DLEC1: variants seen among roughly 807,000 people sequenced by gnomAD.
DLEC1 encodes the protein deleted in lung and esophageal cancer protein 1.
DLEC1 carries 146 observed loss-of-function variants against 198.1 expected under a neutral mutation model. The observed-to-expected ratio is 0.74, with a 90% confidence interval of 0.64 to 0.85. DLEC1 has a LOEUF of 0.85. Ranked by LOEUF, DLEC1 falls within the 40% of genes least tolerant of loss-of-function variation. DLEC1 has a pLI of 0.00. For missense variants in DLEC1, 2,233 were observed against 2,220.0 expected (o/e 1.01, Z -0.12); for synonymous variants, 897 against 866.8 (o/e 1.03, Z -0.61).
In DLEC1 at chr3:38,121,797, C is replaced by T. The variant is rs1421687990; in HGVS notation, c.5020+16C>T. The T allele has an allele frequency of 6.2e-7, 1 of 1,612,218 alleles. No homozygotes were observed. Among genetic ancestry groups the T allele is most frequent in the Non-Finnish European group, 8.5e-7 (1 of 1,178,812 alleles). On this transcript the variant is annotated intron_variant, in intron 35 of 36. Transcript: ENST00000308059. ...ATGCTGATGGGTATGTCCTACCCTG[C>T]CACCTACCCACCGTTCCCCTACAGG...
intron 5 of DLEC1, 104 bp downstream of exon 5, chr3:38,062,905 G>A (rs999825812): frequency 5.7e-6 from 7 of 1,218,596 alleles, no homozygotes; most frequent in Non-Finnish European, 7.9e-6. Context: ...GACTTGTGGG[G>A]CAGGGTAGCA....
At chr3:38,121,991 G>A in intron 35 of DLEC1, 80 bp from the exon 36 acceptor site, 1 of 1,581,172 alleles carries the variant, frequency 6.3e-7, no homozygotes. Context: ...AGAGGTACAG[G>A]CCCGGGGGTG....
Position 38,123,330 on chromosome 3 carries a change from A to G in DLEC1, c.*918A>G. 1.7e-6 allele frequency: 1 copy of G among 577,908 alleles called. No homozygotes were observed. Among genetic ancestry groups the G allele is most frequent in the South Asian group, 2.1e-5 (1 of 48,464 alleles). The allele number at this position is 577,908 out of a possible 1,614,324, so 35.8% of individuals were successfully genotyped here. On this transcript the variant is annotated 3_prime_UTR_variant, in exon 37 of 37. Transcript: ENST00000308059. ...AGTATCCCTTTCAAGGCTGGCCCTT[A>G]AGGAAAACAGGGATCATGCCCCTAC...
At chr3:38,101,890 C>G (rs1699326897) in intron 19 of DLEC1, among the ~76,000 whole-genome samples, 1 of 152,174 alleles carries the variant, frequency 6.6e-6, no homozygotes, top group Non-Finnish European at 1.5e-5. Context: ...GTGCTTATTT[C>G]CTTTCCTTTT....
intron 12 of DLEC1, among the ~76,000 whole-genome samples, chr3:38,094,456 C>T (rs546744866): frequency 3.3e-5 from 5 of 152,292 alleles, no homozygotes; most frequent in African/African-American, 1.2e-4. Flanking sequence ...GAGCCCATAA[C>T]AGGAAAGGCA....
At chr3:38,040,294 C>CT (rs1458607265) in intron 1 of DLEC1, among the ~76,000 whole-genome samples, 6 of 152,318 alleles carry the variant, frequency 3.9e-5, no homozygotes, top group Non-Finnish European at 7.3e-5. Context: ...ACGTCGTTAG[C>CT]TTCAGTCATT....
chr3:38,083,175 T>A (rs1278771500), intron 6 of DLEC1, among the ~76,000 whole-genome samples: 1 of 151,602 alleles, frequency 6.6e-6, no homozygotes, highest in Non-Finnish European at 1.5e-5. Context: ...TCGTAGGTGG[T>A]TTCATGTGCG....
intron 27 of DLEC1, among the ~76,000 whole-genome samples, chr3:38,116,031 C>T (rs770051194): frequency 1.1e-4 from 17 of 152,108 alleles, no homozygotes; most frequent in Non-Finnish European, 1.8e-4. Flanking sequence ...GTGGACATGG[C>T]GGCCCCCAAA....
chr3:38,099,658 C>G (rs1203620670), intron 18 of DLEC1, among the ~76,000 whole-genome samples: 1 of 151,896 alleles, frequency 6.6e-6, no homozygotes, highest in Non-Finnish European at 1.5e-5. Flanking sequence ...TCAGTCAGGG[C>G]AGGAAGAATG....
At chr3:38,051,356 C>A (rs1701109666) in intron 2 of DLEC1, among the ~76,000 whole-genome samples, 1 of 152,254 alleles carries the variant, frequency 6.6e-6, no homozygotes, top group Non-Finnish European at 1.5e-5. Flanking sequence ...CGGTCCCCAC[C>A]CAACCCCACC....
At chr3:38,115,113 AG>A in intron 27 of DLEC1, 60 bp downstream of exon 27, 1 of 1,590,616 alleles carries the variant, frequency 6.3e-7, no homozygotes, top group Non-Finnish European at 8.6e-7. Context: ...GTGGTGAGCC[AG>A]GCTGGGAGGG....
chr3:38,063,392 G>A (rs1414271210), intron 5 of DLEC1, among the ~76,000 whole-genome samples: 2 of 152,166 alleles, frequency 1.3e-5, no homozygotes, highest in African/African-American at 4.8e-5. Context: ...GAGCACAGGG[G>A]TGTCGAGGCT....
chr3:38,104,934 T>C (rs1699492290), intron 19 of DLEC1, among the ~76,000 whole-genome samples: 1 of 152,154 alleles, frequency 6.6e-6, no homozygotes, highest in African/African-American at 2.4e-5. Context: ...GAAAATTGTA[T>C]TTACAAATAT....
rs754945390 is a variant in DLEC1, at chr3:38,114,190, C to T, written c.3667-152C>T. On this transcript the variant is annotated intron_variant, in intron 25 of 36. Coordinates refer to ENST00000308059, the MANE Select transcript of DLEC1 (RefSeq NM_007335.4). ...TGGCTGGGAGGGAGAGTGGAGATGG[C>T]GGGAAGTGGGAGAGAAGACAGAGTG... 186 of 556,378 alleles carry T rather than the reference C, an allele frequency of 3.3e-4. 1 individual carries two copies. Among genetic ancestry groups the T allele is most frequent in the Admixed American group, 5.6e-4 (18 of 32,316 alleles). 34.5% of individuals were successfully genotyped at this position (556,378 alleles called of 1,614,324 possible). A position where few individuals can be genotyped will look rare whatever the true frequency, so the allele number is the denominator to read the frequency against.
At position 38,048,281 on chromosome 3, in the gene DLEC1, C is replaced by A. The variant is rs111324952; in HGVS notation, c.562+2588C>A. ...TCCTTTTATTCCCTCCACCACTCCC[C>A]ACAAAGACCTTGACCTGTTCTCCTG... On this transcript the variant is annotated intron_variant, in intron 2 of 36. Coordinates refer to ENST00000308059, the MANE Select transcript of DLEC1 (RefSeq NM_007335.4). 7.6e-3 allele frequency among the ~76,000 whole-genome samples: 1,154 copies of A among 152,310 alleles called. 16 individuals carry two copies. The highest frequency in any genetic ancestry group is 0.026 in the African/African-American group (1,067 of 41,560).
chr3:38,080,724 G>T (rs780312411), intron 6 of DLEC1, among the ~76,000 whole-genome samples: 41 of 151,912 alleles, frequency 2.7e-4, no homozygotes, highest in Non-Finnish European at 5.1e-4. Context: ...AATGGAGGGT[G>T]GAAGGTTGCC....
Position 38,105,278 on chromosome 3 carries a change from C to A in DLEC1, c.2865-2306C>A, listed in dbSNP as rs890381455. Among the ~76,000 whole-genome samples the A allele has an allele frequency of 4.3e-5, 5 of 116,454 alleles. No homozygotes were observed. In the East Asian group the frequency reaches 1.7e-3, roughly 39 times the overall value. The allele number at this position is 116,454 out of a possible 152,430, so 76.4% of individuals were successfully genotyped here. ...CTGCTGTTATTGTGTAGAGTGTTGC[C>A]TGTTCTGTTTGGTTTATAGTGCTGT... On this transcript the variant is annotated intron_variant, in intron 19 of 36. Transcript: ENST00000308059.
chr3:38,095,716 T>G (rs1466884738), intron 13 of DLEC1, 172 bp from the exon 14 acceptor site: 1 of 735,908 alleles, frequency 1.4e-6, no homozygotes, highest in African/African-American at 1.8e-5. Flanking sequence ...TGGCAGCAAC[T>G]TCACTTTTCC....
chr3:38,080,254 G>T (rs918453600), intron 6 of DLEC1, among the ~76,000 whole-genome samples: 1 of 152,156 alleles, frequency 6.6e-6, no homozygotes, highest in Non-Finnish European at 1.5e-5. Context: ...GAGGAGGGGA[G>T]GTGATAAAAG....
Sources: gnomAD v4.1 joint callset for allele counts (sites outside exome capture counted in the v4.1 genomes callset) on GRCh38, gnomAD v4.1.1 for gene constraint, MANE v1.5 for transcripts, NCBI Gene and HGNC (gene_info 2026-07-23, HGNC 2026-07-21) for gene names.